MKX: variants seen among roughly 807,000 people sequenced by gnomAD.
The protein encoded by MKX is homeobox protein Mohawk.
MKX carries 13 observed loss-of-function variants against 36.0 expected under a neutral mutation model. The observed-to-expected ratio is 0.36, with a 90% confidence interval of 0.24 to 0.57. MKX has a LOEUF of 0.57. Ranked by LOEUF, MKX falls within the 20% of genes least tolerant of loss-of-function variation. The pLI, the probability that MKX is intolerant of heterozygous loss-of-function variation, is 0.79. For synonymous variants in MKX, 176 were observed against 178.3 expected (o/e 0.99, Z 0.10); for missense variants, 458 against 456.4 (o/e 1.00, Z -0.03).
At chr10:27,680,597 G>C (rs1008172638) in intron 5 of MKX, among the ~76,000 whole-genome samples, 1 of 152,062 alleles carries the variant, frequency 6.6e-6, no homozygotes, top group Non-Finnish European at 1.5e-5. Flanking sequence ...CATTAATTCT[G>C]ATATATATTC....
In MKX at chr10:27,743,479, C is replaced by G. The variant is rs1029563211; in HGVS notation, c.-64G>C. ...CCTCGGGGCTGGGCCGCCGGGAGCTCCGCAGCGGGGCTCGGCTTCTAGGAG... is the reference window on the plus strand; with the variant it reads ...CCTCGGGGCTGGGCCGCCGGGAGCTGCGCAGCGGGGCTCGGCTTCTAGGAG... On this transcript the variant is annotated 5_prime_UTR_variant, in exon 2 of 7. Coordinates refer to ENST00000419761, the MANE Select transcript of MKX (RefSeq NM_173576.3). 3 of 1,443,008 alleles carry G rather than the reference C, an allele frequency of 2.1e-6. No homozygotes were observed. The African/African-American group carries it at 4.5e-5, about 22-fold the overall frequency. The allele number at this position is 1,443,008 out of a possible 1,614,324, so 89.4% of individuals were successfully genotyped here.
At chr10:27,698,670 T>C (rs1482000439) in intron 5 of MKX, among the ~76,000 whole-genome samples, 2 of 152,176 alleles carry the variant, frequency 1.3e-5, no homozygotes, top group African/African-American at 4.8e-5. Flanking sequence ...GTTGAGAGTA[T>C]GTGGTGTTTT....
At position 27,717,691 on chromosome 10, in the gene MKX, T is replaced by G. The variant is rs199530126; in HGVS notation, c.838+16765A>C. Reference sequence around the variant, plus strand: ...GCCTGGTGGAGGAGTATGCTGCAATTGTTAGCTAGAAATTAGGTCTGGATA... The same window carrying G: ...GCCTGGTGGAGGAGTATGCTGCAATGGTTAGCTAGAAATTAGGTCTGGATA... On this transcript the variant is annotated intron_variant, in intron 5 of 6. Coordinates refer to ENST00000419761, the MANE Select transcript of MKX (RefSeq NM_173576.3). 5.3e-5 allele frequency among the ~76,000 whole-genome samples: 8 copies of G among 152,358 alleles called. No individual in the cohort carries two copies. In the East Asian group the frequency reaches 1.2e-3, roughly 22 times the overall value.
At chr10:27,711,459 CTTTCTTTCTTTCTTTCTT>C (rs1441978411) in intron 5 of MKX, among the ~76,000 whole-genome samples, 6 of 34,250 alleles carry the variant, frequency 1.8e-4, no homozygotes, top group East Asian at 1.5e-3. Context: ...TTCTTTCTTT[CTTTCTTTCTTTCTTTCTT>C]TCTTTCTCTC....
intron 5 of MKX, among the ~76,000 whole-genome samples, chr10:27,716,644 T>C (rs1483502097): frequency 1.3e-5 from 2 of 152,180 alleles, no homozygotes; most frequent in African/African-American, 4.8e-5. Flanking sequence ...TTACTCCATT[T>C]ATAGATTAGC....
intron 3 of MKX, among the ~76,000 whole-genome samples, chr10:27,738,376 C>T (rs1161220997): frequency 1.3e-5 from 2 of 151,974 alleles, no homozygotes; most frequent in Admixed American, 6.6e-5. Flanking sequence ...GTAAAAATAT[C>T]GGTTCAAATT....
intron 5 of MKX, among the ~76,000 whole-genome samples, chr10:27,717,883 G>C (rs749441316): frequency 2.0e-5 from 3 of 152,182 alleles, no homozygotes; most frequent in Non-Finnish European, 4.4e-5. Context: ...ACACAATGAT[G>C]ATAAGTGCCC....
At chr10:27,676,963 C>A (rs745346008) in intron 5 of MKX, among the ~76,000 whole-genome samples, 1 of 152,076 alleles carries the variant, frequency 6.6e-6, no homozygotes, top group Non-Finnish European at 1.5e-5. Flanking sequence ...AAAGAACCCA[C>A]GAAAATGGGT....
chr10:27,741,260 G>T lies in MKX; in HGVS notation c.348+85C>A, dbSNP rs779698921. Reference sequence around the variant, plus strand: ...ATCCCTCTCCAGGTAGAAGCGCCACGTGGAGAGCCACACGAACTCTAAGCG... The same window carrying T: ...ATCCCTCTCCAGGTAGAAGCGCCACTTGGAGAGCCACACGAACTCTAAGCG... On this transcript the variant is annotated intron_variant, in intron 3 of 6. Coordinates refer to ENST00000419761, the MANE Select transcript of MKX (RefSeq NM_173576.3). This position sits in a 1 kb window ranked among gnomAD's most constrained non-coding sequence, Gnocchi z 5.1. 3.2e-6 allele frequency: 5 copies of T among 1,542,706 alleles called. No homozygotes were observed. Among genetic ancestry groups the T allele is most frequent in the Middle Eastern group, 1.7e-4 (1 of 5,864 alleles).
intron 5 of MKX, among the ~76,000 whole-genome samples, chr10:27,729,806 G>T (rs938698665): frequency 6.6e-6 from 1 of 152,146 alleles, no homozygotes; most frequent in African/African-American, 2.4e-5. Context: ...TGAGGGTAAA[G>T]TCAAAGTCTA....
intron 5 of MKX, among the ~76,000 whole-genome samples, chr10:27,711,063 T>C (rs1836841826): frequency 6.6e-6 from 1 of 152,242 alleles, no homozygotes; most frequent in South Asian, 2.1e-4. Flanking sequence ...AGCCCAATCA[T>C]ATCATTACTT....
At position 27,686,389 on chromosome 10, in the gene MKX, AAGGGAAAGGAAGGAAGGAAGGAAGGAAGG is replaced by A. The variant is rs201072587; in HGVS notation, c.839-10864_839-10836del. On this transcript the variant is annotated intron_variant, in intron 5 of 6. Coordinates refer to ENST00000419761, the MANE Select transcript of MKX (RefSeq NM_173576.3). ...GAAAGAAAGAAAGGGAAGGGAAGGG[AAGGGAAAGGAAGGAAGGAAGGAAGGAAGG>A]AAGGAAGGAAGGAAGGAAGGAAGGA... Among the ~76,000 whole-genome samples, 1,263 of 134,374 alleles carry A rather than the reference AAGGGAAAGGAAGGAAGGAAGGAAGGAAGG, an allele frequency of 9.4e-3. 22 individuals are homozygous for A. The highest frequency in any genetic ancestry group is 0.032 in the African/African-American group (1,155 of 36,100). 88.2% of individuals were successfully genotyped at this position (134,374 alleles called of 152,430 possible).
rs779434985 is a variant in MKX at position 27,719,831 on chromosome 10, T to A, written c.838+14625A>T. Among the ~76,000 whole-genome samples, 22 of 151,606 alleles carry A rather than the reference T, an allele frequency of 1.5e-4. 1 individual carries two copies. In the South Asian group the frequency reaches 1.5e-3, roughly 10 times the overall value. ...AAGACTCCCATCTCAACAAAAAAAA[T>A]TTTAAAATTAGCTGGGCATGGTGGC... On this transcript the variant is annotated intron_variant, in intron 5 of 6. Coordinates refer to ENST00000419761, the MANE Select transcript of MKX (RefSeq NM_173576.3).
Position 27,743,455 on chromosome 10 carries a change from C to A in MKX, c.-40G>T. On this transcript the variant is annotated 5_prime_UTR_variant, in exon 2 of 7. In the 5' UTR this introduces an upstream ATG that the reference lacks. Transcript: ENST00000419761. ...GGGACGCGCGGCGCGGCCGCAGAGC[C>A]TCGGGGCTGGGCCGCCGGGAGCTCC... 6.7e-7 allele frequency: 1 copy of A among 1,492,408 alleles called. No homozygotes were observed. The highest frequency in any genetic ancestry group is 8.9e-7 in the Non-Finnish European group (1 of 1,125,926). The allele number at this position is 1,492,408 out of a possible 1,614,324, so 92.4% of individuals were successfully genotyped here. A position where few individuals can be genotyped will look rare whatever the true frequency, so the allele number is the denominator to read the frequency against.
At position 27,741,349 on chromosome 10, in the gene MKX, A is replaced by T. The variant is rs1215200540; in HGVS notation, c.344T>A (p.Val115Glu). 1 of 1,612,436 alleles carries T rather than the reference A, an allele frequency of 6.2e-7. No homozygotes were observed. The highest frequency in any genetic ancestry group is 8.5e-7 in the Non-Finnish European group (1 of 1,179,488). Reference sequence around the variant, plus strand: ...GTGTTAATGGGTCCTGATTACCTGCACTAGCGTCATCTGCGAGCCGAGGGC... The same window carrying T: ...GTGTTAATGGGTCCTGATTACCTGCTCTAGCGTCATCTGCGAGCCGAGGGC... ...LLALGSQMTL[V>E]QVSNWFANAR... Residue 115 changes from valine (V) to glutamate (E), a missense_variant, in exon 3 of 7, where the codon GTG becomes GAG. Transcript: ENST00000419761. This position sits in a 1 kb window ranked among gnomAD's most constrained non-coding sequence, Gnocchi z 5.1.
intron 5 of MKX, among the ~76,000 whole-genome samples, chr10:27,712,128 G>A (rs909681357): frequency 6.6e-5 from 10 of 152,114 alleles, no homozygotes; most frequent in African/African-American, 2.4e-4. Context: ...GGTCAAAAGA[G>A]CGCTCTGTCC....
At chr10:27,729,664 A>C (rs1007958315) in intron 5 of MKX, among the ~76,000 whole-genome samples, 1 of 152,126 alleles carries the variant, frequency 6.6e-6, no homozygotes, top group Non-Finnish European at 1.5e-5. Context: ...AAATGCAACA[A>C]GGGCTTGTCC....
intron 5 of MKX, among the ~76,000 whole-genome samples, chr10:27,729,150 G>A (rs979566558): frequency 3.9e-5 from 6 of 152,232 alleles, no homozygotes; most frequent in South Asian, 2.1e-4. Context: ...CTTTATACCA[G>A]ATGTGTCTAA....
intron 5 of MKX, among the ~76,000 whole-genome samples, chr10:27,704,196 A>G (rs1383268639): frequency 1.3e-5 from 2 of 152,196 alleles, no homozygotes; most frequent in Admixed American, 1.3e-4. Context: ...AAAGTGACAT[A>G]AGAGGACATG....
Sources: gnomAD v4.1 joint callset for allele counts (sites outside exome capture counted in the v4.1 genomes callset) on GRCh38, gnomAD v4.1.1 for gene constraint, Gnocchi (gnomAD v3.1) non-coding constraint, MANE v1.5 for transcripts, NCBI Gene and HGNC (gene_info 2026-07-23, HGNC 2026-07-21) for gene names.